RABGAP1L: variants seen among roughly 807,000 people sequenced by gnomAD.
The protein encoded by RABGAP1L is RAB GTPase activating protein 1 like, also known as rab GTPase-activating protein 1-like.
RABGAP1L carries 63 observed loss-of-function variants against 137.7 expected under a neutral mutation model. The observed-to-expected ratio is 0.46, with a 90% confidence interval of 0.37 to 0.56. The LOEUF (loss-of-function observed/expected upper bound fraction) is 0.56, where lower values mean the gene tolerates loss of function less well. Among genes scored for constraint, RABGAP1L ranks in the 20% least tolerant of loss-of-function variants. The pLI, the probability that RABGAP1L is intolerant of heterozygous loss-of-function variation, is 0.00. For missense variants in RABGAP1L, 1,095 were observed against 1,244.0 expected, an observed-to-expected ratio of 0.88 and a Z score of 1.80; for synonymous variants, 431 against 433.7, an observed-to-expected ratio of 0.99 and a Z score of 0.08.
chr1:174,569,046 T>A (rs1386736844), intron 13 of RABGAP1L, among the ~76,000 whole-genome samples: 8 of 152,308 alleles, frequency 5.3e-5, no homozygotes. Context: ...TTGTCTCCAT[T>A]TTATAGATGA....
At chr1:174,669,133 C>T (rs372458523) in intron 14 of RABGAP1L, among the ~76,000 whole-genome samples, 49 of 152,188 alleles carry the variant, frequency 3.2e-4, no homozygotes, top group Non-Finnish European at 4.9e-4. Flanking sequence ...AGGAAATTTA[C>T]AGTCATGGTG....
chr1:174,303,692 A>G (rs1677939226), intron 10 of RABGAP1L, among the ~76,000 whole-genome samples: 1 of 152,154 alleles, frequency 6.6e-6, no homozygotes, highest in African/African-American at 2.4e-5. Context: ...TTTGAAACTC[A>G]GTTTTTAGGT....
At chr1:174,257,252 G>GTTAATTTAACTT in intron 7 of RABGAP1L, among the ~76,000 whole-genome samples, 1 of 152,260 alleles carries the variant, frequency 6.6e-6, no homozygotes, top group Non-Finnish European at 1.5e-5. Context: ...TAGGTATTGA[G>GTTAATTTAACTT]TTAATTTAAC....
At chr1:174,251,931 C>G (rs1164014208) in intron 6 of RABGAP1L, among the ~76,000 whole-genome samples, 1 of 148,360 alleles carries the variant, frequency 6.7e-6, no homozygotes, top group Non-Finnish European at 1.5e-5. Context: ...GAGTCTTGCT[C>G]TGTCGCCCAG....
At chr1:174,886,035 CAG>C (rs1655060495) in intron 19 of RABGAP1L, among the ~76,000 whole-genome samples, 1 of 129,592 alleles carries the variant, frequency 7.7e-6, no homozygotes, top group Non-Finnish European at 1.6e-5. Context: ...TTTTTTGAGA[CAG>C]AGTTTTGCTC....
At chr1:174,486,283 C>A (rs1659643144) in intron 13 of RABGAP1L, among the ~76,000 whole-genome samples, 3 of 130,244 alleles carry the variant, frequency 2.3e-5, no homozygotes. Flanking sequence ...TTTAAAAAAA[C>A]AATTTTTTGT....
At position 174,768,554 on chromosome 1, in the gene RABGAP1L, A is replaced by G. The variant is rs536586299; in HGVS notation, c.2211+16200A>G. ...CACACAACTTCAGTAAACACACTGT[A>G]CATGCGGCCCCACCCCAGGGCTAGC... On this transcript the variant is annotated intron_variant, in intron 18 of 25. Coordinates refer to ENST00000681986, the MANE Select transcript of RABGAP1L (RefSeq NM_001366446.1). 1.1e-4 allele frequency among the ~76,000 whole-genome samples: 16 copies of G among 152,364 alleles called. No individual in the cohort carries two copies. In the East Asian group the frequency reaches 1.3e-3, roughly 13 times the overall value.
chr1:174,960,360 T>A (rs1033542797), intron 20 of RABGAP1L, among the ~76,000 whole-genome samples: 2 of 152,208 alleles, frequency 1.3e-5, no homozygotes, highest in Non-Finnish European at 2.9e-5. Context: ...TCTTGCTACA[T>A]CTATGTAAAC....
At chr1:174,515,116 C>T (rs1015681279) in intron 13 of RABGAP1L, among the ~76,000 whole-genome samples, 4 of 151,956 alleles carry the variant, frequency 2.6e-5, no homozygotes, top group Non-Finnish European at 5.9e-5. Context: ...ATTTTCAATG[C>T]GTTGTTATTT....
intron 13 of RABGAP1L, among the ~76,000 whole-genome samples, chr1:174,514,099 G>A (rs1194877373): frequency 6.6e-6 from 1 of 151,904 alleles, no homozygotes; most frequent in Non-Finnish European, 1.5e-5. Flanking sequence ...TCAAGAAATA[G>A]CAATATAAGC....
At chr1:174,697,432 T>G (rs1398245635) in intron 15 of RABGAP1L, among the ~76,000 whole-genome samples, 1 of 152,126 alleles carries the variant, frequency 6.6e-6, no homozygotes, top group Non-Finnish European at 1.5e-5. Context: ...GCAGTTCTCC[T>G]GCCTCAGCTT....
At chr1:174,564,267 AT>A (rs1261032922) in intron 13 of RABGAP1L, among the ~76,000 whole-genome samples, 2 of 151,910 alleles carry the variant, frequency 1.3e-5, no homozygotes, top group Admixed American at 6.6e-5. Context: ...TTTTATTCCC[AT>A]TTTTTTCCCC....
At chr1:174,829,692 T>C (rs1291987038) in intron 19 of RABGAP1L, among the ~76,000 whole-genome samples, 1 of 148,318 alleles carries the variant, frequency 6.7e-6, no homozygotes, top group Non-Finnish European at 1.5e-5. Flanking sequence ...ATTAAAAGAG[T>C]TTATAGTCAA....
At chr1:174,849,793 G>T in intron 19 of RABGAP1L, 2 of 538,068 alleles carry the variant, frequency 3.7e-6, no homozygotes, top group South Asian at 2.8e-5. Context: ...TAAAGTTTAT[G>T]ATTATTGAGA....
intron 13 of RABGAP1L, among the ~76,000 whole-genome samples, chr1:174,631,410 T>C (rs9729150): frequency 0.14 from 12,960 of 92,948 alleles, 1,005 homozygotes; most frequent in African/African-American, 0.35. Context: ...CTATTAGGTC[T>C]GCTTGGTGCA....
Position 174,503,951 on chromosome 1 carries a change from A to T in RABGAP1L, c.1710+109806A>T, listed in dbSNP as rs1037912019. On this transcript the variant is annotated intron_variant, in intron 13 of 25. Coordinates refer to ENST00000681986, the MANE Select transcript of RABGAP1L (RefSeq NM_001366446.1). ...CCATACTACCTAAAACAATCTACAGATTCAATAGACTCTTTTTTTTTTCTT... is the reference window on the plus strand; with the variant it reads ...CCATACTACCTAAAACAATCTACAGTTTCAATAGACTCTTTTTTTTTTCTT... Among the ~76,000 whole-genome samples the T allele has an allele frequency of 8.8e-5, 13 of 148,352 alleles. No individual in the cohort carries two copies. In the South Asian group the frequency reaches 1.7e-3, roughly 19 times the overall value.
intron 13 of RABGAP1L, among the ~76,000 whole-genome samples, chr1:174,517,432 G>C (rs991778337): frequency 6.6e-6 from 1 of 152,046 alleles, no homozygotes; most frequent in African/African-American, 2.4e-5. Flanking sequence ...AAAGTGACTA[G>C]ACCAGTGATA....
chr1:174,538,597 A>T (rs1199023369), intron 13 of RABGAP1L, among the ~76,000 whole-genome samples: 1 of 152,040 alleles, frequency 6.6e-6, no homozygotes, highest in African/African-American at 2.4e-5. Flanking sequence ...TTTTTCTATG[A>T]CTTAGTTTTT....
At chr1:174,898,232 AGGC>A (rs1308145682) in intron 19 of RABGAP1L, among the ~76,000 whole-genome samples, 11 of 152,332 alleles carry the variant, frequency 7.2e-5, no homozygotes, top group Non-Finnish European at 1.5e-5. Context: ...ACAGTTTTTC[AGGC>A]CTGTCTTACA....
Sources: allele counts gnomAD v4.1 joint callset (sites outside exome capture counted in the v4.1 genomes callset), GRCh38; gene constraint gnomAD v4.1.1; transcripts MANE v1.5; gene names NCBI Gene and HGNC (gene_info 2026-07-23, HGNC 2026-07-21).